The following SHROOM3 variants were observed in gnomAD, a reference collection of about 807,000 sequenced individuals.
The protein encoded by SHROOM3 is protein Shroom3.
In SHROOM3, 47 loss-of-function variants were observed where a neutral mutation model predicts 138.6. That is an observed-to-expected ratio of 0.34 (90% CI 0.27 to 0.43). The LOEUF (loss-of-function observed/expected upper bound fraction) is 0.43. Ranked by LOEUF, SHROOM3 falls within the 20% of genes least tolerant of loss-of-function variation. The pLI, the probability that SHROOM3 is intolerant of heterozygous loss-of-function variation, is 1.00. For missense variants in SHROOM3, 2,491 were observed against 2,596.5 expected, an observed-to-expected ratio of 0.96 and a Z score of 0.88; for synonymous variants, 1,062 against 1,063.3, an observed-to-expected ratio of 1.00 and a Z score of 0.02.
chr4:76,691,202 G>A (rs1719526160), intron 2 of SHROOM3, among the ~76,000 whole-genome samples: 1 of 152,170 alleles, frequency 6.6e-6, no homozygotes, highest in African/African-American at 2.4e-5. Context: ...AAACCCTGGA[G>A]AAGGTTACCA....
intron 2 of SHROOM3, among the ~76,000 whole-genome samples, chr4:76,567,184 T>C (rs1733742921): frequency 6.6e-6 from 1 of 152,184 alleles, no homozygotes; most frequent in Admixed American, 6.5e-5. Flanking sequence ...ATTGTTTACG[T>C]AGGAAGGTTG....
intron 2 of SHROOM3, among the ~76,000 whole-genome samples, chr4:76,585,561 A>C (rs1176222477): frequency 6.6e-6 from 1 of 152,228 alleles, no homozygotes; most frequent in African/African-American, 2.4e-5. Context: ...AGATTTAAGT[A>C]AAGTCTGTAA....
chr4:76,638,253 T>C (rs1015929827), intron 2 of SHROOM3, among the ~76,000 whole-genome samples: 1 of 152,232 alleles, frequency 6.6e-6, no homozygotes, highest in Admixed American at 6.5e-5. Context: ...TTCCAATGCA[T>C]GGGTTGCCTC....
chr4:76,456,501 G>A (rs969140542), intron 1 of SHROOM3, among the ~76,000 whole-genome samples: 3 of 152,126 alleles, frequency 2.0e-5, no homozygotes, highest in Non-Finnish European at 4.4e-5. Context: ...ATGGATGCAG[G>A]ACTGATGCAC....
intron 2 of SHROOM3, among the ~76,000 whole-genome samples, chr4:76,613,480 C>T (rs1231560952): frequency 6.6e-6 from 1 of 152,120 alleles, no homozygotes; most frequent in African/African-American, 2.4e-5. Flanking sequence ...AGTCAAGTAC[C>T]AACAGTACAT....
At chr4:76,724,300 A>T (rs545653149) in intron 3 of SHROOM3, among the ~76,000 whole-genome samples, 4 of 152,326 alleles carry the variant, frequency 2.6e-5, no homozygotes, top group South Asian at 4.1e-4. Flanking sequence ...GTACTTTAGG[A>T]AAATATTTCT....
At chr4:76,748,788 A>G (rs886538456) in intron 5 of SHROOM3, among the ~76,000 whole-genome samples, 3 of 149,070 alleles carry the variant, frequency 2.0e-5, no homozygotes, top group African/African-American at 7.4e-5. Context: ...CTGGTGAGAC[A>G]GACTGAAGTT....
intron 2 of SHROOM3, among the ~76,000 whole-genome samples, chr4:76,700,045 T>C (rs550707374): frequency 6.6e-6 from 1 of 152,278 alleles, no homozygotes; most frequent in South Asian, 2.1e-4. Context: ...TGGCCTCGTG[T>C]CCACTCGGCA....
chr4:76,447,570 G>A (rs1196079143), intron 1 of SHROOM3, among the ~76,000 whole-genome samples: 1 of 152,152 alleles, frequency 6.6e-6, no homozygotes, highest in African/African-American at 2.4e-5. Flanking sequence ...AGGAGAGTGT[G>A]CAAACTTTTG....
chr4:76,637,866 A>G (rs1477179316), intron 2 of SHROOM3, among the ~76,000 whole-genome samples: 1 of 152,164 alleles, frequency 6.6e-6, no homozygotes, highest in African/African-American at 2.4e-5. Flanking sequence ...GATGAAGGGA[A>G]CTGGGCTCAG....
chr4:76,621,923 C>T (rs538357392), intron 2 of SHROOM3, among the ~76,000 whole-genome samples: 5 of 151,728 alleles, frequency 3.3e-5, no homozygotes, highest in East Asian at 1.9e-4. Context: ...CTCCACATCC[C>T]GGGTTCAAGC....
At chr4:76,689,487 C>T in intron 2 of SHROOM3, 3 of 974,474 alleles carry the variant, frequency 3.1e-6, no homozygotes, top group Non-Finnish European at 3.6e-6. Flanking sequence ...GGATCAGCGT[C>T]CTCCAGCCGC....
At chr4:76,716,282 G>A (rs771812960) in intron 3 of SHROOM3, 1 of 518,362 alleles carries the variant, frequency 1.9e-6, no homozygotes. Context: ...TAGTACTTGT[G>A]AGGCTTTTAC....
chr4:76,634,777 T>C (rs1313116400), intron 2 of SHROOM3, among the ~76,000 whole-genome samples: 1 of 152,214 alleles, frequency 6.6e-6, no homozygotes, highest in Non-Finnish European at 1.5e-5. Context: ...AACTGTATTT[T>C]ATTATATAAG....
At chr4:76,731,767 T>G (rs1397805111) in intron 4 of SHROOM3, among the ~76,000 whole-genome samples, 1 of 143,078 alleles carries the variant, frequency 7.0e-6, no homozygotes, top group Non-Finnish European at 1.5e-5. Context: ...GGTGACAGAG[T>G]AAGACTTCAT....
intron 2 of SHROOM3, among the ~76,000 whole-genome samples, chr4:76,563,013 C>T (rs1733630248): frequency 6.6e-6 from 1 of 152,150 alleles, no homozygotes; most frequent in African/African-American, 2.4e-5. Flanking sequence ...ATCTGGATTC[C>T]AGTCTCAGTT....
chr4:76,555,826 C>G (rs990438414), intron 2 of SHROOM3, 63 bp downstream of exon 2: 4 of 1,569,288 alleles, frequency 2.5e-6, no homozygotes, highest in Non-Finnish European at 2.6e-6. Context: ...CCCTACCCTA[C>G]CCCACCTCTG....
intron 1 of SHROOM3, among the ~76,000 whole-genome samples, chr4:76,554,122 C>T (rs1360151115): frequency 6.6e-6 from 1 of 152,238 alleles, no homozygotes; most frequent in Non-Finnish European, 1.5e-5. Context: ...TCCTACCCTT[C>T]CCTTTAACCT....
intron 2 of SHROOM3, among the ~76,000 whole-genome samples, chr4:76,709,346 A>G (rs1720158361): frequency 6.6e-6 from 1 of 152,346 alleles, no homozygotes; most frequent in East Asian, 1.9e-4. Flanking sequence ...ACAAACAGAG[A>G]TGATGACAAA....
Sources: gnomAD v4.1 joint callset for allele counts (sites outside exome capture counted in the v4.1 genomes callset) on GRCh38, gnomAD v4.1.1 for gene constraint, MANE v1.5 for transcripts, NCBI Gene and HGNC (gene_info 2026-07-23, HGNC 2026-07-21) for gene names.